Variants in KCNK9 observed in about 807,000 individuals in gnomAD.
KCNK9 encodes potassium two pore domain channel subfamily K member 9.
A neutral mutation model predicts 10.8 loss-of-function variants in KCNK9; 1 was observed. That is an observed-to-expected ratio of 0.09 (90% CI 0.03 to 0.44). The LOEUF is 0.44. Ranked by LOEUF, KCNK9 falls within the 20% of genes least tolerant of loss-of-function variation. The pLI, the probability that KCNK9 is intolerant of heterozygous loss-of-function variation, is 0.97. For missense variants in KCNK9, 303 were observed against 515.0 expected, an observed-to-expected ratio of 0.59 and a Z score of 3.98; for synonymous variants, 231 against 222.7, an observed-to-expected ratio of 1.04 and a Z score of -0.33.
chr8:139,650,316 C>T lies in KCNK9; in HGVS notation c.284-31217G>A, dbSNP rs543304054. Among the ~76,000 whole-genome samples, 4 of 152,326 alleles carry T rather than the reference C, an allele frequency of 2.6e-5. No homozygotes were observed. In the South Asian group the frequency reaches 8.3e-4, roughly 32 times the overall value. ...CTTCACAGCTCGGAGTTACTGGCAA[C>T]ATTCCCATCCCTGTGAGCCTCCATC... On this transcript the variant is annotated intron_variant, in intron 1 of 1. Coordinates refer to ENST00000520439, the MANE Select transcript of KCNK9 (RefSeq NM_001282534.2).
At chr8:139,686,346 A>AT (rs1816787330) in intron 1 of KCNK9, among the ~76,000 whole-genome samples, 2 of 152,212 alleles carry the variant, frequency 1.3e-5, no homozygotes, top group South Asian at 4.1e-4. Context: ...ATGGGAGAAA[A>AT]TTTTTGCAAT....
intron 1 of KCNK9, among the ~76,000 whole-genome samples, chr8:139,639,407 T>C (rs1815430570): frequency 6.6e-6 from 1 of 152,250 alleles, no homozygotes; most frequent in Non-Finnish European, 1.5e-5. Flanking sequence ...CCTGGCACGC[T>C]GTCTGGCGGG....
intron 1 of KCNK9, among the ~76,000 whole-genome samples, chr8:139,648,809 C>T (rs752752988): frequency 5.9e-5 from 9 of 152,212 alleles, no homozygotes; most frequent in South Asian, 2.1e-4. Flanking sequence ...TGACACGTGC[C>T]GTGGGCAGAT....
chr8:139,684,596 A>T (rs2129773517), intron 1 of KCNK9, among the ~76,000 whole-genome samples: 1 of 152,370 alleles, frequency 6.6e-6, no homozygotes, highest in South Asian at 2.1e-4. Flanking sequence ...ACAGAATTTT[A>T]AAAAGCTTGT....
downstream of KCNK9, chr8:139,617,054 C>A (rs1814616112): frequency 6.6e-6 from 1 of 152,186 alleles, no homozygotes; most frequent in South Asian, 2.1e-4. Context: ...CTCCTTGCCT[C>A]TAAACTCTTC....
In KCNK9 at chr8:139,617,635, C is replaced by T. The variant is rs546419054; in HGVS notation, c.*623G>A. Among the ~76,000 whole-genome samples the T allele has an allele frequency of 4.6e-5, 7 of 152,070 alleles. No homozygotes were observed. The highest frequency in any genetic ancestry group is 7.4e-5 in the Non-Finnish European group (5 of 68,022). On this transcript the variant is annotated 3_prime_UTR_variant, in exon 2 of 2. Coordinates refer to ENST00000520439, the MANE Select transcript of KCNK9 (RefSeq NM_001282534.2). Reference sequence around the variant, plus strand: ...GAAACATGCTTGATTTGGCAAAATACGATAAATCAAAAACCTTGTGGGTTT... The same window carrying T: ...GAAACATGCTTGATTTGGCAAAATATGATAAATCAAAAACCTTGTGGGTTT...
chr8:139,648,826 T>C (rs1307480574), intron 1 of KCNK9, among the ~76,000 whole-genome samples: 1 of 152,206 alleles, frequency 6.6e-6, no homozygotes, highest in Non-Finnish European at 1.5e-5. Context: ...AGATGAGGGC[T>C]GGAGTGAAGC....
At chr8:139,655,036 C>T (rs530279443) in intron 1 of KCNK9, among the ~76,000 whole-genome samples, 30 of 152,034 alleles carry the variant, frequency 2.0e-4, no homozygotes, top group Non-Finnish European at 3.5e-4. Flanking sequence ...GGGGGGCGGG[C>T]GCTGGGGCAG....
At chr8:139,650,902 G>T (rs1479983007) in intron 1 of KCNK9, among the ~76,000 whole-genome samples, 2 of 152,170 alleles carry the variant, frequency 1.3e-5, no homozygotes, top group Non-Finnish European at 2.9e-5. Context: ...AAGTGATGTT[G>T]CCATGGTTCA....
At chr8:139,620,367 A>G (rs1814740185) in intron 1 of KCNK9, among the ~76,000 whole-genome samples, 1 of 152,166 alleles carries the variant, frequency 6.6e-6, no homozygotes, top group African/African-American at 2.4e-5. Context: ...CTTGGGTTCC[A>G]TAAGTTTTTT....
chr8:139,695,716 G>A (rs1374937199), intron 1 of KCNK9, among the ~76,000 whole-genome samples: 1 of 150,102 alleles, frequency 6.7e-6, no homozygotes, highest in African/African-American at 2.5e-5. Flanking sequence ...CTGCCCATGG[G>A]ACTCTCTCAA....
rs144947005 is a variant in KCNK9, at chr8:139,637,231, G to A, written c.284-18132C>T. Among the ~76,000 whole-genome samples, 27 of 152,340 alleles carry A rather than the reference G, an allele frequency of 1.8e-4. 1 individual carries two copies. The highest frequency in any genetic ancestry group is 6.0e-4 in the African/African-American group (25 of 41,582). ...GTGAAGACAGAATCATGACCTGCATGTCGGAGTGCTGACCGCATACCCCAA... is the reference window on the plus strand; with the variant it reads ...GTGAAGACAGAATCATGACCTGCATATCGGAGTGCTGACCGCATACCCCAA... On this transcript the variant is annotated intron_variant, in intron 1 of 1. Coordinates refer to ENST00000520439, the MANE Select transcript of KCNK9 (RefSeq NM_001282534.2).
At chr8:139,630,401 C>T (rs1046387299) in intron 1 of KCNK9, among the ~76,000 whole-genome samples, 1 of 152,116 alleles carries the variant, frequency 6.6e-6, no homozygotes, top group African/African-American at 2.4e-5. Flanking sequence ...GCCGCCGCCG[C>T]CGCCCCCACC....
chr8:139,626,911 C>T (rs531846952), intron 1 of KCNK9, among the ~76,000 whole-genome samples: 11 of 152,236 alleles, frequency 7.2e-5, no homozygotes, highest in Non-Finnish European at 1.2e-4. Flanking sequence ...CTGGCTCCCA[C>T]GGAAGCCTGC....
At chr8:139,639,985 G>A (rs968630675) in intron 1 of KCNK9, among the ~76,000 whole-genome samples, 20 of 152,142 alleles carry the variant, frequency 1.3e-4, no homozygotes, top group Non-Finnish European at 2.5e-4. Context: ...TGACAGTGGG[G>A]GCCTGCCTGG....
rs1205335820 is a variant in KCNK9, at chr8:139,617,913, G to A, written c.*345C>T. ...TGGGTATCCTCTCAGCTCTGTCTCC[G>A]TGGTCTTGGTCTCACATCTGTCCCG... On this transcript the variant is annotated 3_prime_UTR_variant, in exon 2 of 2. Coordinates refer to ENST00000520439, the MANE Select transcript of KCNK9 (RefSeq NM_001282534.2). 2 of 343,466 alleles carry A rather than the reference G, an allele frequency of 5.8e-6. No individual in the cohort carries two copies. The highest frequency in any genetic ancestry group is 1.1e-5 in the Non-Finnish European group (2 of 179,858). 21.3% of individuals were successfully genotyped at this position (343,466 alleles called of 1,614,324 possible). A position where few individuals can be genotyped will look rare whatever the true frequency, so the allele number is the denominator to read the frequency against.
intron 1 of KCNK9, among the ~76,000 whole-genome samples, chr8:139,629,826 A>G (rs888351606): frequency 6.6e-6 from 1 of 151,998 alleles, no homozygotes; most frequent in African/African-American, 2.4e-5. Flanking sequence ...TGAGGGCTTC[A>G]CTCATGTGAC....
In KCNK9 at chr8:139,624,901, C is replaced by T. The variant is rs1387474288; in HGVS notation, c.284-5802G>A. ...AAATGTCAAAGCCCACTTGGAAAAG[C>T]TGACTCTGTCCTGGGCACTGTGACT... On this transcript the variant is annotated intron_variant, in intron 1 of 1. Transcript: ENST00000520439. Among the ~76,000 whole-genome samples, 5 of 152,364 alleles carry T rather than the reference C, an allele frequency of 3.3e-5. No individual in the cohort carries two copies. The East Asian group carries it at 9.7e-4, about 29-fold the overall frequency.
At chr8:139,621,108 C>G (rs1394556833) in intron 1 of KCNK9, among the ~76,000 whole-genome samples, 1 of 152,022 alleles carries the variant, frequency 6.6e-6, no homozygotes, top group African/African-American at 2.4e-5. Context: ...CATGGTGAAA[C>G]CCCATCTCTA....
Sources: gnomAD v4.1 joint callset for allele counts (sites outside exome capture counted in the v4.1 genomes callset) on GRCh38, gnomAD v4.1.1 for gene constraint, MANE v1.5 for transcripts, NCBI Gene and HGNC (gene_info 2026-07-23, HGNC 2026-07-21) for gene names.